The following DGKI variants were observed in gnomAD, a reference collection of about 807,000 sequenced individuals.
DGKI encodes the protein diacylglycerol kinase iota.
In DGKI, 55 loss-of-function variants were observed where a neutral mutation model predicts 147.5. That is an observed-to-expected ratio of 0.37 (90% confidence interval 0.30 to 0.47). The LOEUF (loss-of-function observed/expected upper bound fraction) is 0.47. Among genes scored for constraint, DGKI ranks in the 20% least tolerant of loss-of-function variants. The pLI is 1.00. For missense variants in DGKI, 1,007 were observed against 1,323.8 expected (o/e 0.76, Z 3.71); for synonymous variants, 469 against 477.1 (o/e 0.98, Z 0.22).
chr7:137,585,299 A>G lies in DGKI; in HGVS notation c.1473T>C (p.Asp491=). 1 of 1,614,180 alleles carries G rather than the reference A, an allele frequency of 6.2e-7. No homozygotes were observed. The highest frequency in any genetic ancestry group is 8.5e-7 in the Non-Finnish European group (1 of 1,180,016). The stretch of plus-strand genomic sequence containing the variant: ...AGCGATCTAGCTGTACAACTGTCCC[A>G]TCTTCCACTTGACACAGGATCTTAG... ...PVSKILCQVE[D]GTVVQLDRWN... is the part of the protein sequence containing the mutation. Residue 491 remains aspartate (D), a synonymous_variant, in exon 14 of 33, where the codon GAT becomes GAC. Coordinates refer to ENST00000614521, the MANE Select transcript of DGKI (RefSeq NM_001321708.2).
At chr7:137,545,867 G>A in intron 20 of DGKI, 1 of 696,962 alleles carries the variant, frequency 1.4e-6, no homozygotes, top group Non-Finnish European at 2.6e-6. Context: ...AGGCTGGGGA[G>A]AAAATGTAGA....
chr7:137,745,990 A>G (rs1795315207), intron 1 of DGKI, among the ~76,000 whole-genome samples: 2 of 152,110 alleles, frequency 1.3e-5, no homozygotes, highest in African/African-American at 2.4e-5. Flanking sequence ...ATGTGCTACA[A>G]TTGATGGGAA....
At chr7:137,752,533 C>G (rs1172415399) in intron 1 of DGKI, among the ~76,000 whole-genome samples, 1 of 152,172 alleles carries the variant, frequency 6.6e-6, no homozygotes, top group Non-Finnish European at 1.5e-5. Flanking sequence ...AGCCCAGCGC[C>G]GCACCTTGGG....
chr7:137,516,487 G>T (rs1356679162), intron 21 of DGKI, among the ~76,000 whole-genome samples: 1 of 151,808 alleles, frequency 6.6e-6, no homozygotes, highest in African/African-American at 2.4e-5. Flanking sequence ...TTATTTAAAT[G>T]ACGTTTGCTA....
At chr7:137,793,055 A>G (rs1486876434) in intron 1 of DGKI, among the ~76,000 whole-genome samples, 1 of 152,228 alleles carries the variant, frequency 6.6e-6, no homozygotes, top group Admixed American at 6.5e-5. Context: ...TATTATTGCT[A>G]TTGCATCAGA....
intron 6 of DGKI, among the ~76,000 whole-genome samples, chr7:137,630,086 G>C (rs1183714691): frequency 6.6e-6 from 1 of 152,080 alleles, no homozygotes; most frequent in Admixed American, 6.6e-5. Context: ...ATTTCTGACA[G>C]TGTTGCAAAT....
chr7:137,666,245 T>A (rs1822635300), intron 3 of DGKI, among the ~76,000 whole-genome samples: 1 of 152,218 alleles, frequency 6.6e-6, no homozygotes, highest in Non-Finnish European at 1.5e-5. Context: ...ACAAAGTTTC[T>A]CTGATAGGCT....
At chr7:137,633,249 C>T (rs1195103697) in intron 6 of DGKI, among the ~76,000 whole-genome samples, 1 of 151,048 alleles carries the variant, frequency 6.6e-6, no homozygotes, top group East Asian at 1.9e-4. Context: ...AGTCCTAGAC[C>T]AGGGCTGGTT....
At position 137,623,099 on chromosome 7, in the gene DGKI, G is replaced by A. The variant is rs181504261; in HGVS notation, c.876+384C>T. Among the ~76,000 whole-genome samples the A allele has an allele frequency of 8.2e-4, 125 of 152,296 alleles. No homozygotes were observed. In the South Asian group the frequency reaches 0.011, roughly 13 times the overall value. On this transcript the variant is annotated intron_variant, in intron 7 of 32. Transcript: ENST00000614521. ...GTTGGAGGGACCTCTTAGGTCATAC[G>A]TTGCTTTGCTTCTAATGTTGTACCT... is the stretch of plus-strand genomic sequence containing the variant.
chr7:137,643,629 G>A (rs3800616), intron 6 of DGKI, among the ~76,000 whole-genome samples: 12,811 of 152,164 alleles, frequency 0.084, 1,731 homozygotes, highest in African/African-American at 0.28. Context: ...CCCCACTGAC[G>A]ACGGACGTGC....
intron 21 of DGKI, among the ~76,000 whole-genome samples, chr7:137,496,035 A>G (rs1027869646): frequency 6.6e-6 from 1 of 152,160 alleles, no homozygotes; most frequent in African/African-American, 2.4e-5. Flanking sequence ...TTTGCAGACA[A>G]TAAGATTCTA....
At chr7:137,567,322 C>A in intron 19 of DGKI, among the ~76,000 whole-genome samples, 1 of 151,046 alleles carries the variant, frequency 6.6e-6, no homozygotes, top group East Asian at 1.9e-4. Flanking sequence ...ATGTTTCCTA[C>A]ATCCAGACAT....
At chr7:137,527,649 C>A (rs913879417) in intron 20 of DGKI, among the ~76,000 whole-genome samples, 1 of 152,098 alleles carries the variant, frequency 6.6e-6, no homozygotes, top group African/African-American at 2.4e-5. Context: ...CCTTGTAACA[C>A]GCACTATGTA....
intron 28 of DGKI, among the ~76,000 whole-genome samples, chr7:137,425,006 T>A (rs1440018450): frequency 6.8e-6 from 1 of 147,938 alleles, no homozygotes; most frequent in Non-Finnish European, 1.5e-5. Flanking sequence ...CAGACTTAAA[T>A]GTCCCTGTCT....
intron 22 of DGKI, among the ~76,000 whole-genome samples, chr7:137,486,546 C>A (rs965284336): frequency 3.3e-5 from 5 of 152,022 alleles, no homozygotes; most frequent in African/African-American, 1.2e-4. Context: ...AGCAGCTATC[C>A]TCAGTCAAAA....
chr7:137,782,168 T>C (rs1021997669), intron 1 of DGKI, among the ~76,000 whole-genome samples: 7 of 152,138 alleles, frequency 4.6e-5, no homozygotes, highest in Non-Finnish European at 1.5e-5. Flanking sequence ...CTGCTTGCTT[T>C]CTCAATGGGA....
At chr7:137,644,523 C>G (rs1222909989) in intron 6 of DGKI, among the ~76,000 whole-genome samples, 2 of 152,326 alleles carry the variant, frequency 1.3e-5, no homozygotes, top group Admixed American at 6.5e-5. Flanking sequence ...GCCAATATTT[C>G]CTTGCATTGC....
intron 20 of DGKI, among the ~76,000 whole-genome samples, chr7:137,530,639 A>G (rs781304772): frequency 1.5e-4 from 23 of 152,126 alleles, no homozygotes; most frequent in Non-Finnish European, 3.1e-4. Context: ...TGATCCCCAT[A>G]TGGACTTCCT....
chr7:137,695,913 C>T (rs752493638), intron 1 of DGKI, among the ~76,000 whole-genome samples: 1 of 152,100 alleles, frequency 6.6e-6, no homozygotes, highest in Non-Finnish European at 1.5e-5. Flanking sequence ...TGTCTTTTAG[C>T]CTCAGTTTCC....
Sources: gnomAD v4.1 joint callset for allele counts (sites outside exome capture counted in the v4.1 genomes callset) on GRCh38, gnomAD v4.1.1 for gene constraint, MANE v1.5 for transcripts, NCBI Gene and HGNC (gene_info 2026-07-23, HGNC 2026-07-21) for gene names.